ABCB5: variants seen among roughly 807,000 people sequenced by gnomAD.
ABCB5 encodes the protein ATP binding cassette subfamily B member 5, also known as ATP-binding cassette sub-family B member 5.
In ABCB5, 155 loss-of-function variants were observed where a neutral mutation model predicts 144.2. The observed-to-expected ratio is 1.08, with a 90% CI of 0.94 to 1.23. The LOEUF is 1.23. Ranked by LOEUF, ABCB5 falls within the 50% of genes most tolerant of loss-of-function variation. The pLI is 0.00. For missense variants in ABCB5, 1,830 were observed against 1,520.8 expected (o/e 1.20, Z -3.38); for synonymous variants, 610 against 528.6 (o/e 1.15, Z -2.11).
At chr7:20,652,534 C>A (rs188619938) in intron 13 of ABCB5, among the ~76,000 whole-genome samples, 3 of 152,012 alleles carry the variant, frequency 2.0e-5, no homozygotes, top group Non-Finnish European at 4.4e-5. Flanking sequence ...CGCACCACTG[C>A]GCTCCAACCT....
Position 20,755,562 on chromosome 7 carries a change from C to G in ABCB5, c.3712C>G (p.Gln1238Glu). 6.2e-7 allele frequency: 1 copy of G among 1,614,158 alleles called. No individual in the cohort carries two copies. ...AAAGATAAAGGAACAAGGAACTCAT[C>G]AAGAGCTCCTGAGAAATCGAGACAT... is the stretch of plus-strand genomic sequence containing the variant. Reference protein sequence around the residue: ...NGKIKEQGTHQELLRNRDIYF... With the variant: ...NGKIKEQGTHEELLRNRDIYF... Residue 1238 changes from glutamine to glutamate, a missense_variant, in exon 28 of 28, where the codon CAA (glutamine) becomes GAA (glutamate). Coordinates refer to ENST00000404938, the MANE Select transcript of ABCB5 (RefSeq NM_001163941.2).
At chr7:20,688,103 G>C (rs996171107) in intron 16 of ABCB5, among the ~76,000 whole-genome samples, 1 of 152,098 alleles carries the variant, frequency 6.6e-6, no homozygotes, top group Non-Finnish European at 1.5e-5. Context: ...TGAGGCAGGA[G>C]AATTGCTTGA....
At chr7:20,645,667 C>T in intron 7 of ABCB5, 89 bp from the exon 8 acceptor site, 1 of 1,485,054 alleles carries the variant, frequency 6.7e-7, no homozygotes, top group Non-Finnish European at 9.1e-7. Flanking sequence ...CATTAGTCTA[C>T]TTAGAATTCA....
chr7:20,664,317 G>C (rs1785102211), intron 14 of ABCB5, among the ~76,000 whole-genome samples: 5 of 152,062 alleles, frequency 3.3e-5, no homozygotes, highest in Admixed American at 3.3e-4. Context: ...GCTCTCATGT[G>C]GGTTAAAACC....
intron 15 of ABCB5, among the ~76,000 whole-genome samples, chr7:20,684,671 A>G (rs913240614): frequency 6.6e-6 from 1 of 152,262 alleles, no homozygotes; most frequent in Non-Finnish European, 1.5e-5. Flanking sequence ...AGAGACATTT[A>G]CAGGAAAAAA....
chr7:20,628,771 A>C lies in ABCB5; in HGVS notation c.192A>C (p.Leu64Phe). 6.2e-7 allele frequency: 1 copy of C among 1,613,782 alleles called. No individual in the cohort carries two copies. The highest frequency in any genetic ancestry group is 2.2e-5 in the East Asian group (1 of 44,874). Residue 64 changes from leucine (L) to phenylalanine (F), a missense_variant, in exon 4 of 28, where the codon TTA (leucine) becomes TTC (phenylalanine). Coordinates refer to ENST00000404938, the MANE Select transcript of ABCB5 (RefSeq NM_001163941.2). Reference protein sequence around the residue: ...ASLVNGACLPLMPLVLGEMSD... With the variant: ...ASLVNGACLPFMPLVLGEMSD... ...TGGTCAATGGAGCCTGCCTTCCTTT[A>C]ATGCCACTGGTTTTAGGAGAAATGA...
At chr7:20,659,011 G>C in intron 14 of ABCB5, 1 of 1,586,678 alleles carries the variant, frequency 6.3e-7, no homozygotes, top group South Asian at 1.1e-5. Flanking sequence ...CCCACCCTTT[G>C]CTTCTTCTAC....
chr7:20,647,433 T>C, intron 9 of ABCB5, 102 bp from the exon 10 acceptor site: 2 of 1,411,378 alleles, frequency 1.4e-6, no homozygotes, highest in South Asian at 1.8e-5. Context: ...CTAATTCCTC[T>C]AATATCTCTC....
chr7:20,622,976 C>T (rs1473252937), intron 1 of ABCB5, among the ~76,000 whole-genome samples: 3 of 152,110 alleles, frequency 2.0e-5, no homozygotes, highest in Non-Finnish European at 2.9e-5. Context: ...ACAAACAGTG[C>T]ATTTTCCGTG....
chr7:20,635,300 C>G (rs999646397), intron 5 of ABCB5, among the ~76,000 whole-genome samples: 3 of 151,440 alleles, frequency 2.0e-5, no homozygotes, highest in Admixed American at 6.6e-5. Context: ...ATTTTCGTTA[C>G]TATAGCCTTG....
chr7:20,662,072 C>A (rs1562546953), intron 14 of ABCB5, among the ~76,000 whole-genome samples: 1 of 152,034 alleles, frequency 6.6e-6, no homozygotes, highest in Non-Finnish European at 1.5e-5. Context: ...CCAAGGAAAC[C>A]CACACTGATT....
chr7:20,671,625 A>G (rs1785461928), intron 14 of ABCB5, among the ~76,000 whole-genome samples: 2 of 152,222 alleles, frequency 1.3e-5, no homozygotes, highest in Non-Finnish European at 2.9e-5. Context: ...TTTGAGACTC[A>G]TCCATGTTGT....
In ABCB5 at chr7:20,667,491, AT is replaced by A. The variant is rs1202132494; in HGVS notation, c.1707+8817del. ...TTGACTTTATATTCTGTCCTCTCAA[AT>A]TCTCCTTAGACTGTGACGTGTTAAT... On this transcript the variant is annotated intron_variant, in intron 14 of 27. Coordinates refer to ENST00000404938, the MANE Select transcript of ABCB5 (RefSeq NM_001163941.2). 3.7e-5 allele frequency: 36 copies of A among 982,486 alleles called. No homozygotes were observed. The African/African-American group carries it at 5.8e-4, about 16-fold the overall frequency. 60.9% of individuals were successfully genotyped at this position (982,486 alleles called of 1,614,324 possible).
At chr7:20,623,538 G>A (rs1011089467) in intron 2 of ABCB5, among the ~76,000 whole-genome samples, 200 bp downstream of exon 2, 6 of 152,000 alleles carry the variant, frequency 3.9e-5, no homozygotes, top group Admixed American at 3.3e-4. Context: ...ATTGTAATAG[G>A]ATTTATTTAT....
At chr7:20,692,029 T>C (rs1283347964) in intron 16 of ABCB5, among the ~76,000 whole-genome samples, 5 of 152,174 alleles carry the variant, frequency 3.3e-5, no homozygotes, top group Non-Finnish European at 7.4e-5. Flanking sequence ...ATTATATCTA[T>C]ATTCCGTATG....
At position 20,646,084 on chromosome 7, in the gene ABCB5, A is replaced by G. The variant is rs1784401152; in HGVS notation, c.927A>G (p.Gly309=). The change falls in exon 9 of 28, where the codon GGA becomes GGG. Residue 309 remains glycine, a synonymous_variant. Transcript: ENST00000404938. ...NGTYGLAFWY[G]TSLILNGEPG... ...CCTATGGACTTGCTTTTTGGTATGG[A>G]ACCTCCTTGATTCTTAATGGAGAAC... The G allele has an allele frequency of 6.2e-7, 1 of 1,613,762 alleles. No homozygotes were observed. The highest frequency in any genetic ancestry group is 1.3e-5 in the African/African-American group (1 of 75,040).
intron 5 of ABCB5, among the ~76,000 whole-genome samples, 189 bp downstream of exon 5, chr7:20,632,302 G>T (rs186557689): frequency 6.6e-6 from 1 of 152,102 alleles, no homozygotes; most frequent in Non-Finnish European, 1.5e-5. Flanking sequence ...CTACTTGAAA[G>T]GTGTATAGGT....
At chr7:20,627,548 T>C (rs1783936820) in intron 3 of ABCB5, among the ~76,000 whole-genome samples, 1 of 152,184 alleles carries the variant, frequency 6.6e-6, no homozygotes, top group African/African-American at 2.4e-5. Context: ...ATATTTTCAA[T>C]TTTGCTCATG....
At chr7:20,702,379 T>C (rs1786657841) in intron 19 of ABCB5, among the ~76,000 whole-genome samples, 1 of 152,084 alleles carries the variant, frequency 6.6e-6, no homozygotes, top group African/African-American at 2.4e-5. Context: ...GGCTTCAAAA[T>C]TTACCTAAGC....
Sources: gnomAD v4.1 joint callset for allele counts (sites outside exome capture counted in the v4.1 genomes callset) on GRCh38, gnomAD v4.1.1 for gene constraint, MANE v1.5 for transcripts, NCBI Gene and HGNC (gene_info 2026-07-23, HGNC 2026-07-21) for gene names.